Variants in MTMR8 observed in about 807,000 individuals in gnomAD.
MTMR8 encodes phosphatidylinositol-3,5-bisphosphate 3-phosphatase MTMR8.
Under a neutral mutation model 39.3 loss-of-function variants are expected in MTMR8, and 65 were observed. That is an observed-to-expected ratio of 1.65 (90% CI 1.35 to 2.03). The LOEUF (loss-of-function observed/expected upper bound fraction) is 2.03. Among genes scored for constraint, MTMR8 ranks in the 30% most tolerant of loss-of-function variants. The probability of loss-of-function intolerance (pLI) is 0.00; values close to 1 mark genes in which losing one functional copy is unlikely to be tolerated. For synonymous variants in MTMR8, 245 were observed against 185.2 expected, an observed-to-expected ratio of 1.32 and a Z score of -2.62; for missense variants, 777 against 538.9, an observed-to-expected ratio of 1.44 and a Z score of -4.37.
chrX:64,370,390 G>A (rs1433241639), intron 1 of MTMR8, among the ~76,000 whole-genome samples: 1 of 108,384 alleles, frequency 9.2e-6, no homozygotes, highest in Non-Finnish European at 1.9e-5. Flanking sequence ...AAAAAAAAAA[G>A]GAAAGGCGAG....
Position 64,268,614 on chromosome X carries a change from C to A in MTMR8, c.2038G>T (p.Gly680Trp). ...GTGTCCCCCAAGATGCCCATGTCCC[C>A]AGAGAAACCCCTGGCCTCAGAAATA... Reference protein sequence around the residue: ...LGISEARGFSGDMGILGDTGI... With the variant: ...LGISEARGFSWDMGILGDTGI... The change falls in exon 14 of 14, where the codon GGG becomes TGG. Residue 680 changes from glycine (G) to tryptophan (W), a missense_variant. Transcript: ENST00000374852. The A allele has an allele frequency of 1.7e-6, 2 of 1,211,752 alleles. No homozygotes were observed. Among genetic ancestry groups the A allele is most frequent in the Middle Eastern group, 2.3e-4 (1 of 4,350 alleles).
intron 12 of MTMR8, among the ~76,000 whole-genome samples, chrX:64,288,849 C>A (rs1311878626): frequency 9.1e-6 from 1 of 109,445 alleles, no homozygotes; most frequent in Non-Finnish European, 1.9e-5. Context: ...TGAGGAACAT[C>A]ACACACCGGG....
At chrX:64,317,111 CAAAA>C (rs1203927676) in intron 12 of MTMR8, among the ~76,000 whole-genome samples, 2 of 46,095 alleles carry the variant, frequency 4.3e-5, no homozygotes. Flanking sequence ...GACTGTGTCT[CAAAA>C]AAAAAAAAAA....
At chrX:64,388,555 A>G (rs1242821532) in intron 1 of MTMR8, among the ~76,000 whole-genome samples, 1 of 112,354 alleles carries the variant, frequency 8.9e-6, no homozygotes, top group Non-Finnish European at 1.9e-5. Flanking sequence ...GCCTCCAACT[A>G]AAGCAAATTT....
intron 10 of MTMR8, among the ~76,000 whole-genome samples, chrX:64,335,096 A>G (rs1251878930): frequency 9.0e-6 from 1 of 111,353 alleles, no homozygotes; most frequent in Non-Finnish European, 1.9e-5. Flanking sequence ...ATGGGGGAAA[A>G]TAAGACCTGA....
chrX:64,331,403 CA>C (rs936513117), intron 11 of MTMR8, 153 bp downstream of exon 11: 7 of 467,009 alleles, frequency 1.5e-5, no homozygotes, highest in African/African-American at 2.4e-5. Context: ...GATCTCTGTG[CA>C]AACATTGAGT....
At chrX:64,308,320 ATTT>A (rs778962275) in intron 12 of MTMR8, among the ~76,000 whole-genome samples, 2 of 69,606 alleles carry the variant, frequency 2.9e-5, no homozygotes, top group African/African-American at 6.5e-5. Context: ...ACGGCTGGCT[ATTT>A]TTTTTTTTTT....
At chrX:64,320,501 C>T in intron 12 of MTMR8, among the ~76,000 whole-genome samples, 2 of 110,517 alleles carry the variant, frequency 1.8e-5, no homozygotes, top group Non-Finnish European at 3.8e-5. Flanking sequence ...CTTTATTTTG[C>T]CCACCTTGGA....
At chrX:64,326,773 C>A (rs758102519) in intron 12 of MTMR8, among the ~76,000 whole-genome samples, 6 of 110,335 alleles carry the variant, frequency 5.4e-5, no homozygotes, top group Non-Finnish European at 9.5e-5. Flanking sequence ...AGAAAGAAAG[C>A]TGAAGATATC....
intron 12 of MTMR8, among the ~76,000 whole-genome samples, chrX:64,287,006 A>AAAGAGGAAGTCAAATTGTCCC (rs1269578137): frequency 3.6e-5 from 4 of 111,562 alleles, no homozygotes; most frequent in African/African-American, 1.3e-4. Context: ...TCAATTAGGA[A>AAAGAGGAAGTCAAATTGTCCC]AAGAGGAAGT....
intron 12 of MTMR8, among the ~76,000 whole-genome samples, chrX:64,322,779 C>G (rs906385391): frequency 6.2e-5 from 7 of 112,628 alleles, no homozygotes; most frequent in African/African-American, 1.9e-4. Flanking sequence ...ACTCTATCCT[C>G]TGAGAATAAG....
chrX:64,373,347 C>G, intron 1 of MTMR8, among the ~76,000 whole-genome samples: 1 of 111,585 alleles, frequency 9.0e-6, no homozygotes, highest in Middle Eastern at 4.6e-3. Flanking sequence ...TTCCCCCTGG[C>G]TGTTCTCATG....
intron 12 of MTMR8, among the ~76,000 whole-genome samples, chrX:64,296,598 A>G (rs1201211020): frequency 1.0e-5 from 1 of 98,548 alleles, no homozygotes; most frequent in African/African-American, 3.8e-5. Context: ...TTTTAATTAT[A>G]CTTTAAGTTT....
At chrX:64,358,843 G>GCACACACACACACA (rs762422321) in intron 2 of MTMR8, among the ~76,000 whole-genome samples, 88 of 91,173 alleles carry the variant, frequency 9.7e-4, no homozygotes, top group African/African-American at 3.4e-3. Context: ...GCCCGTGCAT[G>GCACACACACACACA]CACACACACA....
chrX:64,387,678 G>A (rs192318678), intron 1 of MTMR8, among the ~76,000 whole-genome samples: 1 of 107,106 alleles, frequency 9.3e-6, no homozygotes, highest in Admixed American at 1.0e-4. Flanking sequence ...GTGGGGTTGG[G>A]GGTGAGGGGA....
At chrX:64,303,984 G>A (rs1428025395) in intron 12 of MTMR8, among the ~76,000 whole-genome samples, 1 of 111,920 alleles carries the variant, frequency 8.9e-6, no homozygotes, top group African/African-American at 3.2e-5. Flanking sequence ...GTGTACTGCA[G>A]CACAGTCTGT....
intron 1 of MTMR8, among the ~76,000 whole-genome samples, chrX:64,387,223 G>GA (rs927893565): frequency 6.3e-5 from 7 of 111,194 alleles, no homozygotes; most frequent in East Asian, 2.8e-4. Flanking sequence ...AGTAGGAATT[G>GA]AAAAAAACAA....
intron 1 of MTMR8, among the ~76,000 whole-genome samples, chrX:64,367,724 A>G (rs1436241348): frequency 1.8e-5 from 2 of 111,391 alleles, no homozygotes; most frequent in South Asian, 3.8e-4. Flanking sequence ...CTCTCTCACC[A>G]CTCCTATTCA....
At chrX:64,288,876 G>A (rs1921299582) in intron 12 of MTMR8, among the ~76,000 whole-genome samples, 1 of 110,140 alleles carries the variant, frequency 9.1e-6, no homozygotes, top group Non-Finnish European at 1.9e-5. Context: ...TGTAGGGTGG[G>A]GGCAGGTGGG....
Sources: gnomAD v4.1 joint callset for allele counts (sites outside exome capture counted in the v4.1 genomes callset) on GRCh38, gnomAD v4.1.1 for gene constraint, MANE v1.5 for transcripts, NCBI Gene and HGNC (gene_info 2026-07-23, HGNC 2026-07-21) for gene names.